ABCC8: variants seen among roughly 807,000 people sequenced by gnomAD.
ABCC8 encodes ATP binding cassette subfamily C member 8.
Under a neutral mutation model 188.0 loss-of-function variants are expected in ABCC8, and 137 were observed. The observed-to-expected ratio is 0.73, with a 90% CI of 0.63 to 0.84. The LOEUF (loss-of-function observed/expected upper bound fraction) is 0.84, where lower values mean the gene tolerates loss of function less well. Among genes scored for constraint, ABCC8 ranks in the 40% least tolerant of loss-of-function variants. The pLI, the probability that ABCC8 is intolerant of heterozygous loss-of-function variation, is 0.00. For synonymous variants in ABCC8, 797 were observed against 846.5 expected, an observed-to-expected ratio of 0.94 and a Z score of 1.01; for missense variants, 1,750 against 2,072.7, an observed-to-expected ratio of 0.84 and a Z score of 3.02.
chr11:17,463,694 G>T, intron 3 of ABCC8, 90 bp from the exon 4 acceptor site: 1 of 1,512,428 alleles, frequency 6.6e-7, no homozygotes, highest in Non-Finnish European at 8.9e-7. Flanking sequence ...CAGAGAAGGA[G>T]ACAGAATAAG....
chr11:17,442,669 C>T (rs1291500030), intron 10 of ABCC8, 51 bp downstream of exon 10: 1 of 1,584,078 alleles, frequency 6.3e-7, no homozygotes, highest in Non-Finnish European at 8.7e-7. Flanking sequence ...GACACCCTCT[C>T]CTTGCATGTA....
intron 35 of ABCC8, 140 bp from the exon 36 acceptor site, chr11:17,395,415 G>A (rs1300627041): frequency 4.6e-6 from 7 of 1,510,378 alleles, no homozygotes; most frequent in Admixed American, 2.0e-5. Context: ...GCAGTGGGTG[G>A]GGGACAGCAT....
intron 36 of ABCC8, among the ~76,000 whole-genome samples, chr11:17,394,933 C>T (rs1427004857): frequency 6.6e-6 from 1 of 152,124 alleles, no homozygotes; most frequent in South Asian, 2.1e-4. Flanking sequence ...CACAAGGATC[C>T]CTGACTGTAC....
At chr11:17,452,084 T>C (rs1956837999) in intron 7 of ABCC8, among the ~76,000 whole-genome samples, 1 of 152,210 alleles carries the variant, frequency 6.6e-6, no homozygotes, top group Non-Finnish European at 1.5e-5. Flanking sequence ...AACAAACTTC[T>C]ATCCCATTTA....
chr11:17,395,966 C>G (rs913204759), intron 33 of ABCC8, 36 bp from the exon 34 acceptor site: 8 of 1,553,940 alleles, frequency 5.1e-6, no homozygotes, highest in African/African-American at 1.4e-5. Context: ...CACTGGGACT[C>G]TGGGGCTGCT....
chr11:17,408,290 G>C (rs1165673323), intron 23 of ABCC8, 102 bp downstream of exon 23: 5 of 1,157,432 alleles, frequency 4.3e-6, no homozygotes, highest in Middle Eastern at 2.8e-4. Context: ...CCTTTAGGGG[G>C]CTTCCTGGGG....
chr11:17,462,667 C>G (rs1412659901), intron 4 of ABCC8, among the ~76,000 whole-genome samples: 1 of 152,182 alleles, frequency 6.6e-6, no homozygotes, highest in Non-Finnish European at 1.5e-5. Context: ...AGAGAAATAG[C>G]TGAACACATT....
At position 17,448,600 on chromosome 11, in the gene ABCC8, C is replaced by A; in HGVS notation, c.1248G>T (p.Gln416His). Residue 416 changes from glutamine (Q) to histidine (H), a missense_variant, in exon 8 of 39, where the codon CAG (glutamine) becomes CAT (histidine). Physicochemically the swap from Gln to His is conservative, Grantham distance 24 (BLOSUM62 0). Coordinates refer to ENST00000389817, the MANE Select transcript of ABCC8 (RefSeq NM_000352.6). ...TGTCGATGGCAACCAGATTACAGATCTGTCCAGCAGTCATTTCTCCCATGG... is the reference window on the plus strand; with the variant it reads ...TGTCGATGGCAACCAGATTACAGATATGTCCAGCAGTCATTTCTCCCATGG... ...NLSMGEMTAG[Q>H]ICNLVAIDTN... The A allele has an allele frequency of 6.2e-7, 1 of 1,614,178 alleles. No individual in the cohort carries two copies. The highest frequency in any genetic ancestry group is 8.5e-7 in the Non-Finnish European group (1 of 1,179,998).
At chr11:17,469,962 A>G (rs570968314) in intron 3 of ABCC8, 139 bp downstream of exon 3, 1 of 1,093,006 alleles carries the variant, frequency 9.1e-7, no homozygotes, top group African/African-American at 1.6e-5. Flanking sequence ...TGTAAGCTCC[A>G]TGAAGGCAGG....
At chr11:17,401,287 G>C (rs1406999123) in intron 29 of ABCC8, among the ~76,000 whole-genome samples, 6 of 152,256 alleles carry the variant, frequency 3.9e-5, no homozygotes, top group Non-Finnish European at 7.3e-5. Flanking sequence ...AGACTCTAGA[G>C]TCATAATCCA....
chr11:17,476,771 G>A lies in ABCC8; in HGVS notation c.6C>T (p.Pro2=). 5 of 1,567,372 alleles carry A rather than the reference G, an allele frequency of 3.2e-6. No individual in the cohort carries two copies. The highest frequency in any genetic ancestry group is 4.3e-6 in the Non-Finnish European group (5 of 1,156,984). M[P]LAFCGSENHS... is the part of the protein sequence containing the mutation. ...GGTTCTCGCTGCCGCAGAAGGCCAG[G>A]GGCATGGCGGCGCGGGCGCGGGCTG... Residue 2 remains proline (P), a synonymous_variant, in exon 1 of 39, where the codon CCC becomes CCT. Transcript: ENST00000389817.
intron 28 of ABCC8, among the ~76,000 whole-genome samples, chr11:17,403,543 G>A (rs1182296073): frequency 1.3e-5 from 2 of 152,200 alleles, no homozygotes; most frequent in Non-Finnish European, 2.9e-5. Context: ...TTATACAAAT[G>A]TTGATCCTTT....
At position 17,412,758 on chromosome 11, in the gene ABCC8, G is replaced by C. The variant is rs1362440131; in HGVS notation, c.2476-12C>G. The C allele has an allele frequency of 6.2e-7, 1 of 1,604,174 alleles. No homozygotes were observed. On this transcript the variant is annotated splice_polypyrimidine_tract_variant and intron_variant, in intron 20 of 38. Coordinates refer to ENST00000389817, the MANE Select transcript of ABCC8 (RefSeq NM_000352.6). ...GACAGGTTGATGCCCTGTCACCAAA[G>C]AGGAGGAACACATCATGCCCTCAGC...
intron 10 of ABCC8, among the ~76,000 whole-genome samples, chr11:17,439,443 T>C (rs11024288): frequency 0.05 from 7,532 of 151,770 alleles, 543 homozygotes; most frequent in African/African-American, 0.16. Flanking sequence ...GCGCCAGGGG[T>C]CAGAACAAGA....
Position 17,463,609 on chromosome 11 carries a change from C to T in ABCC8, c.413-5G>A, listed in dbSNP as rs186946111. Reference sequence around the variant, plus strand: ...GGGTCCAATACACCAGCAGGGCTGCCGAGGAGAGATGGAAGATCGCAGAGA... The same window carrying T: ...GGGTCCAATACACCAGCAGGGCTGCTGAGGAGAGATGGAAGATCGCAGAGA... On this transcript the variant is annotated splice_region_variant and splice_polypyrimidine_tract_variant and intron_variant, in intron 3 of 38. Transcript: ENST00000389817. 171 of 1,569,874 alleles carry T rather than the reference C, an allele frequency of 1.1e-4. No individual in the cohort carries two copies. The African/African-American group carries it at 1.9e-3, about 17-fold the overall frequency.
chr11:17,414,792 G>T, intron 18 of ABCC8, 182 bp from the exon 19 acceptor site: 1 of 725,872 alleles, frequency 1.4e-6, no homozygotes, highest in Non-Finnish European at 1.7e-6. Flanking sequence ...TGAGAGGTCT[G>T]GGTCTCAACT....
At position 17,473,836 on chromosome 11, in the gene ABCC8, C is replaced by A. The variant is rs1488330142; in HGVS notation, c.290+1050G>T. Among the ~76,000 whole-genome samples, 4 of 152,222 alleles carry A rather than the reference C, an allele frequency of 2.6e-5. No homozygotes were observed. In the East Asian group the frequency reaches 7.7e-4, roughly 29 times the overall value. Reference sequence around the variant, plus strand: ...CCTAAAAGTGTTATGCTGATGACATCTCTCTTCTGTTCCAAACTGCTGACC... The same window carrying A: ...CCTAAAAGTGTTATGCTGATGACATATCTCTTCTGTTCCAAACTGCTGACC... On this transcript the variant is annotated intron_variant, in intron 2 of 38. Transcript: ENST00000389817.
intron 2 of ABCC8, among the ~76,000 whole-genome samples, chr11:17,472,160 T>C (rs918021292): frequency 6.6e-6 from 1 of 152,224 alleles, no homozygotes; most frequent in African/African-American, 2.4e-5. Context: ...CGAAATAAGA[T>C]GAGGATTAAC....
intron 11 of ABCC8, among the ~76,000 whole-genome samples, chr11:17,431,260 G>A (rs528045456): frequency 7.5e-4 from 113 of 151,502 alleles, no homozygotes; most frequent in African/African-American, 2.6e-3. Context: ...AGGTCAGCAC[G>A]GCCCCCTCTG....
Sources: gnomAD v4.1 joint callset for allele counts (sites outside exome capture counted in the v4.1 genomes callset) on GRCh38, gnomAD v4.1.1 for gene constraint, MANE v1.5 for transcripts, NCBI Gene and HGNC (gene_info 2026-07-23, HGNC 2026-07-21) for gene names.